Variants in SLC25A48 observed in about 807,000 individuals in gnomAD.
SLC25A48 encodes CTC-321K16.1.
A neutral mutation model predicts 32.2 loss-of-function variants in SLC25A48; 29 were observed. That is an observed-to-expected ratio of 0.90 (90% confidence interval 0.67 to 1.23). SLC25A48 has a LOEUF of 1.23. Among genes scored for constraint, SLC25A48 ranks in the 50% most tolerant of loss-of-function variants. The probability of loss-of-function intolerance (pLI) is 0.00; values close to 1 mark genes in which losing one functional copy is unlikely to be tolerated. For synonymous variants in SLC25A48, 164 were observed against 172.3 expected, an observed-to-expected ratio of 0.95 and a Z score of 0.38; for missense variants, 399 against 422.7, an observed-to-expected ratio of 0.94 and a Z score of 0.49.
chr5:135,768,629 AC>A (rs1355883237), intron 3 of SLC25A48, among the ~76,000 whole-genome samples: 64 of 150,932 alleles, frequency 4.2e-4, no homozygotes, highest in Non-Finnish European at 3.8e-4. Flanking sequence ...GGGATTGTTG[AC>A]CCCCCTGTTA....
chr5:135,662,884 T>C (rs1345954845), intron 3 of SLC25A48, among the ~76,000 whole-genome samples: 1 of 152,126 alleles, frequency 6.6e-6, no homozygotes, highest in East Asian at 1.9e-4. Flanking sequence ...TAGGGCGGCT[T>C]CAGTGTCATC....
At chr5:135,654,870 A>G (rs1433288339) in intron 3 of SLC25A48, among the ~76,000 whole-genome samples, 3 of 152,152 alleles carry the variant, frequency 2.0e-5, no homozygotes, top group African/African-American at 7.2e-5. Context: ...GACTGCGAGA[A>G]CTCGGCCTGC....
At chr5:135,825,352 G>A (rs1478129642) in intron 4 of SLC25A48, among the ~76,000 whole-genome samples, 1 of 152,320 alleles carries the variant, frequency 6.6e-6, no homozygotes, top group African/African-American at 2.4e-5. Context: ...GATTTGACCC[G>A]AAGCTTGTGG....
intron 3 of SLC25A48, among the ~76,000 whole-genome samples, chr5:135,695,691 C>T (rs1006017627): frequency 1.3e-4 from 20 of 152,182 alleles, no homozygotes; most frequent in Non-Finnish European, 2.4e-4. Flanking sequence ...GTGCTGGAGG[C>T]GGCTGTGTTT....
intron 3 of SLC25A48, among the ~76,000 whole-genome samples, chr5:135,697,594 C>T (rs538366407): frequency 6.6e-6 from 1 of 152,332 alleles, no homozygotes; most frequent in South Asian, 2.1e-4. Flanking sequence ...ACTGCACACT[C>T]TCATCCCCTG....
intron 3 of SLC25A48, among the ~76,000 whole-genome samples, chr5:135,679,211 C>T (rs1158208228): frequency 6.6e-6 from 1 of 152,086 alleles, no homozygotes; most frequent in African/African-American, 2.4e-5. Context: ...GCAGGTGGGA[C>T]ATGTGGGTGG....
intron 3 of SLC25A48, among the ~76,000 whole-genome samples, chr5:135,683,369 C>T (rs761548112): frequency 2.0e-5 from 3 of 152,228 alleles, no homozygotes; most frequent in Non-Finnish European, 2.9e-5. Context: ...GATCTGCTCT[C>T]ACTGGAAAGT....
intron 3 of SLC25A48, among the ~76,000 whole-genome samples, chr5:135,663,887 C>T (rs1290013909): frequency 3.3e-5 from 5 of 152,206 alleles, no homozygotes; most frequent in Admixed American, 3.3e-4. Context: ...GCCTCAGGCA[C>T]CTGTCAGGCT....
chr5:135,666,875 G>A (rs1484418854), intron 3 of SLC25A48, among the ~76,000 whole-genome samples: 2 of 152,094 alleles, frequency 1.3e-5, no homozygotes, highest in Non-Finnish European at 2.9e-5. Context: ...GAGATTCAAT[G>A]GGAACAATGC....
rs184207915 is a variant in SLC25A48, at chr5:135,812,126, A to G, written c.-520-397A>G. Reference sequence around the variant, plus strand: ...ACAAATAAATATGAATATTTAAGGGATTTTATTTACTGAATTGATTTTTAT... The same window carrying G: ...ACAAATAAATATGAATATTTAAGGGGTTTTATTTACTGAATTGATTTTTAT... On this transcript the variant is annotated intron_variant, in intron 3 of 10. Transcript: ENST00000646290. 2.6e-5 allele frequency among the ~76,000 whole-genome samples: 4 copies of G among 152,056 alleles called. No homozygotes were observed. The East Asian group carries it at 7.7e-4, about 29-fold the overall frequency.
intron 3 of SLC25A48, among the ~76,000 whole-genome samples, chr5:135,777,607 G>A (rs1756599525): frequency 1.3e-5 from 2 of 150,506 alleles, no homozygotes; most frequent in Admixed American, 1.3e-4. Flanking sequence ...GCATGTAACC[G>A]CCCCCTTGTG....
intron 3 of SLC25A48, among the ~76,000 whole-genome samples, chr5:135,724,731 G>A (rs181721408): frequency 1.3e-5 from 2 of 152,350 alleles, no homozygotes; most frequent in African/African-American, 2.4e-5. Context: ...TGTTCTCCTC[G>A]TTGGGAGATG....
In SLC25A48 at chr5:135,782,516, C is replaced by T. The variant is rs1230403609; in HGVS notation, c.-520-30007C>T. Among the ~76,000 whole-genome samples, 2 of 116,316 alleles carry T rather than the reference C, an allele frequency of 1.7e-5. 1 individual carries two copies. The highest frequency in any genetic ancestry group is 4.2e-5 in the Non-Finnish European group (2 of 47,090). The allele number at this position is 116,316 out of a possible 152,430, so 76.3% of individuals were successfully genotyped here. A position where few individuals can be genotyped will look rare whatever the true frequency, so the allele number is the denominator to read the frequency against. On this transcript the variant is annotated intron_variant, in intron 3 of 10. Transcript: ENST00000646290. ...TGTACAACATCCCTGAGATTTTATT[C>T]CTAATATCCAGGGAAGGAGAGGATG...
intron 3 of SLC25A48, among the ~76,000 whole-genome samples, chr5:135,786,405 C>T (rs750557274): frequency 9.2e-5 from 14 of 151,968 alleles, no homozygotes; most frequent in African/African-American, 1.5e-4. Flanking sequence ...AGTGGGTCTA[C>T]GCCATGTGTG....
intron 3 of SLC25A48, among the ~76,000 whole-genome samples, chr5:135,639,106 C>T (rs1447569463): frequency 6.6e-6 from 1 of 152,136 alleles, no homozygotes; most frequent in African/African-American, 2.4e-5. Context: ...ATATGCGGCC[C>T]AAAAATGATA....
intron 4 of SLC25A48, among the ~76,000 whole-genome samples, chr5:135,821,275 C>T (rs751880440): frequency 6.6e-6 from 1 of 152,184 alleles, no homozygotes; most frequent in Non-Finnish European, 1.5e-5. Context: ...AGATGTCCTA[C>T]ATCATCAGCC....
chr5:135,759,274 A>G (rs780040992), intron 3 of SLC25A48, among the ~76,000 whole-genome samples: 2 of 152,190 alleles, frequency 1.3e-5, no homozygotes, highest in Non-Finnish European at 2.9e-5. Context: ...CATTTTCCAC[A>G]TAACAAATGC....
intron 3 of SLC25A48, among the ~76,000 whole-genome samples, chr5:135,669,994 G>A (rs1245610195): frequency 1.3e-5 from 2 of 152,182 alleles, no homozygotes; most frequent in Non-Finnish European, 2.9e-5. Context: ...CCATAAACAC[G>A]CATAGGTACT....
chr5:135,795,522 G>C (rs528286329), intron 3 of SLC25A48, among the ~76,000 whole-genome samples: 5 of 151,894 alleles, frequency 3.3e-5, no homozygotes, highest in Admixed American at 3.3e-4. Flanking sequence ...TTAGAGGAAA[G>C]AGATTGATAT....
Sources: gnomAD v4.1 joint callset for allele counts (sites outside exome capture counted in the v4.1 genomes callset) on GRCh38, gnomAD v4.1.1 for gene constraint, MANE v1.5 for transcripts, NCBI Gene and HGNC (gene_info 2026-07-23, HGNC 2026-07-21) for gene names.